LINGO2: variants seen among roughly 807,000 people sequenced by gnomAD.
LINGO2 encodes leucine-rich repeat and immunoglobulin-like domain-containing nogo receptor-interacting protein 2.
In LINGO2, 14 loss-of-function variants were observed where a neutral mutation model predicts 30.6. The observed-to-expected ratio is 0.46, with a 90% CI of 0.30 to 0.72. The LOEUF (loss-of-function observed/expected upper bound fraction) is 0.72, where lower values mean the gene tolerates loss of function less well. Among genes scored for constraint, LINGO2 ranks in the 30% least tolerant of loss-of-function variants. The probability of loss-of-function intolerance (pLI) is 0.07; values close to 1 mark genes in which losing one functional copy is unlikely to be tolerated. For missense variants in LINGO2, 729 were observed against 751.7 expected, an observed-to-expected ratio of 0.97 and a Z score of 0.35; for synonymous variants, 317 against 288.5, an observed-to-expected ratio of 1.10 and a Z score of -1.00.
At chr9:28,081,787 C>A (rs1825780632) in intron 4 of LINGO2, among the ~76,000 whole-genome samples, 4 of 152,172 alleles carry the variant, frequency 2.6e-5, no homozygotes, top group Middle Eastern at 6.8e-3. Flanking sequence ...TGCAAACAGT[C>A]CAGCTGCATG....
At chr9:28,040,209 T>C (rs1824135658) in intron 4 of LINGO2, among the ~76,000 whole-genome samples, 1 of 152,248 alleles carries the variant, frequency 6.6e-6, no homozygotes, top group Non-Finnish European at 1.5e-5. Context: ...AGAAGCTAGC[T>C]GCAGTCTCTT....
chr9:28,032,439 ATAACT>A (rs1176751309), intron 4 of LINGO2, among the ~76,000 whole-genome samples: 119 of 152,276 alleles, frequency 7.8e-4, no homozygotes, highest in Middle Eastern at 3.4e-3. Flanking sequence ...TATGATTCAC[ATAACT>A]AACTGCTCAT....
At chr9:28,813,206 GC>G in the LINGO2 span, among the ~76,000 whole-genome samples, 28 of 151,640 alleles carry the variant, frequency 1.8e-4, no homozygotes, top group African/African-American at 4.4e-4. Flanking sequence ...CAGTAGCCCA[GC>G]CCCCCCCAAT....
At chr9:28,090,013 G>C (rs1826030020) in intron 4 of LINGO2, among the ~76,000 whole-genome samples, 1 of 152,126 alleles carries the variant, frequency 6.6e-6, no homozygotes, top group Non-Finnish European at 1.5e-5. Context: ...ACTAAACCAG[G>C]AAGAAGTTGA....
intron 4 of LINGO2, among the ~76,000 whole-genome samples, chr9:28,047,218 A>G (rs77658204): frequency 0.026 from 3,891 of 152,216 alleles, 154 homozygotes; most frequent in African/African-American, 0.089. Flanking sequence ...TTTCCCCTAC[A>G]TAACAAATCT....
At chr9:28,178,281 T>C (rs1828803774) in intron 4 of LINGO2, among the ~76,000 whole-genome samples, 1 of 152,268 alleles carries the variant, frequency 6.6e-6, no homozygotes, top group African/African-American at 2.4e-5. Flanking sequence ...GTATACATTA[T>C]ATTAAAATGT....
intron 4 of LINGO2, among the ~76,000 whole-genome samples, chr9:28,057,133 T>C (rs1824967168): frequency 6.6e-6 from 1 of 152,144 alleles, no homozygotes; most frequent in African/African-American, 2.4e-5. Flanking sequence ...GACCAAAAAG[T>C]TAAACCTGAC....
chr9:28,911,905 C>G, the LINGO2 span, among the ~76,000 whole-genome samples: 2 of 152,112 alleles, frequency 1.3e-5, no homozygotes, highest in Non-Finnish European at 2.9e-5. Flanking sequence ...ACACCAGAGA[C>G]AGTTTCATCT....
the LINGO2 span, among the ~76,000 whole-genome samples, chr9:28,921,808 C>G: frequency 6.6e-6 from 1 of 152,186 alleles, no homozygotes; most frequent in Admixed American, 6.5e-5. Context: ...TTCTTTACCT[C>G]TGACTTCAAG....
intron 4 of LINGO2, among the ~76,000 whole-genome samples, chr9:28,166,834 A>G (rs1303653172): frequency 6.6e-6 from 1 of 152,102 alleles, no homozygotes; most frequent in Non-Finnish European, 1.5e-5. Flanking sequence ...GATTCTATCA[A>G]TTCCTCTTGT....
At chr9:28,870,114 G>A in the LINGO2 span, among the ~76,000 whole-genome samples, 1 of 151,498 alleles carries the variant, frequency 6.6e-6, no homozygotes, top group Non-Finnish European at 1.5e-5. Flanking sequence ...GTAGACACAT[G>A]GCCAGTTCAT....
chr9:27,948,281 G>A (rs964893276), exon 6 of LINGO2: 2 of 152,420 alleles, frequency 1.3e-5, no homozygotes, highest in Admixed American at 1.3e-4. Flanking sequence ...ATCTATAGTG[G>A]TGAGTAACTA....
chr9:28,250,528 G>A (rs1413873240), intron 4 of LINGO2, among the ~76,000 whole-genome samples: 2 of 152,176 alleles, frequency 1.3e-5, no homozygotes, highest in African/African-American at 2.4e-5. Flanking sequence ...GAAAGGGGCA[G>A]TTTTGCAGGA....
intron 4 of LINGO2, among the ~76,000 whole-genome samples, chr9:28,192,818 T>G (rs935153646): frequency 2.0e-5 from 3 of 152,142 alleles, no homozygotes; most frequent in Non-Finnish European, 4.4e-5. Flanking sequence ...AAATATTTGA[T>G]GTAGGTGTTA....
At position 28,349,185 on chromosome 9, in the gene LINGO2, A is replaced by G. The variant is rs562320745; in HGVS notation, c.-246+23651T>C. On this transcript the variant is annotated intron_variant, in intron 3 of 5. Transcript: ENST00000379992. The stretch of plus-strand genomic sequence containing the variant: ...ACGAGCTGAGAGAAGAAGGCTTCAG[A>G]CGATCAAATTATTCTGAGCTACGGG... Among the ~76,000 whole-genome samples the G allele has an allele frequency of 9.8e-5, 15 of 152,372 alleles. No individual in the cohort carries two copies. The South Asian group carries it at 3.1e-3, about 32-fold the overall frequency.
the LINGO2 span, among the ~76,000 whole-genome samples, chr9:28,741,904 G>A: frequency 1.3e-5 from 2 of 151,766 alleles, no homozygotes; most frequent in Non-Finnish European, 2.9e-5. Flanking sequence ...CTGGTGCTGA[G>A]AGGCCTTGGG....
chr9:29,141,981 A>C, the LINGO2 span, among the ~76,000 whole-genome samples: 4 of 152,048 alleles, frequency 2.6e-5, no homozygotes, highest in East Asian at 7.7e-4. Context: ...ACTAACTTTC[A>C]ATAATGAATA....
At chr9:28,213,196 C>T (rs995091137) in intron 4 of LINGO2, among the ~76,000 whole-genome samples, 1 of 151,418 alleles carries the variant, frequency 6.6e-6, no homozygotes, top group Non-Finnish European at 1.5e-5. Flanking sequence ...GCTAAGTAAA[C>T]ATTAGTCATC....
At chr9:28,523,574 G>T (rs1820904055) in intron 1 of LINGO2, among the ~76,000 whole-genome samples, 1 of 152,052 alleles carries the variant, frequency 6.6e-6, no homozygotes, top group Non-Finnish European at 1.5e-5. Context: ...TCTATTATTT[G>T]AGTTTAACAA....
Sources: allele counts gnomAD v4.1 joint callset (sites outside exome capture counted in the v4.1 genomes callset), GRCh38; gene constraint gnomAD v4.1.1; transcripts MANE v1.5; gene names NCBI Gene and HGNC (gene_info 2026-07-23, HGNC 2026-07-21).